NTRK3: variants seen among roughly 807,000 people sequenced by gnomAD.
NTRK3 encodes NT-3 growth factor receptor.
A neutral mutation model predicts 91.7 loss-of-function variants in NTRK3; 24 were observed. That is an observed-to-expected ratio of 0.26 (90% CI 0.19 to 0.37). The LOEUF (loss-of-function observed/expected upper bound fraction) is 0.37. Among genes scored for constraint, NTRK3 ranks in the 10% least tolerant of loss-of-function variants. The probability of loss-of-function intolerance (pLI) is 1.00; values close to 1 mark genes in which losing one functional copy is unlikely to be tolerated. For synonymous variants in NTRK3, 483 were observed against 404.0 expected (o/e 1.20, Z -2.34); for missense variants, 880 against 1,068.9 (o/e 0.82, Z 2.46).
At chr15:87,881,237 T>G (rs1269498416) in intron 17 of NTRK3, among the ~76,000 whole-genome samples, 1 of 152,214 alleles carries the variant, frequency 6.6e-6, no homozygotes, top group Non-Finnish European at 1.5e-5. Context: ...ATTCACAGCA[T>G]GTGTGAAAAC....
At chr15:87,903,638 C>T (rs1422571362) in intron 17 of NTRK3, among the ~76,000 whole-genome samples, 2 of 152,188 alleles carry the variant, frequency 1.3e-5, no homozygotes, top group African/African-American at 2.4e-5. Context: ...CAGTTAAGAA[C>T]TCAGAGGACT....
At chr15:88,101,372 T>C (rs1476595368) in intron 13 of NTRK3, among the ~76,000 whole-genome samples, 1 of 152,162 alleles carries the variant, frequency 6.6e-6, no homozygotes, top group Non-Finnish European at 1.5e-5. Context: ...AAACAACAGG[T>C]GCTGGAAAGG....
chr15:88,039,470 C>A (rs1390599970), intron 13 of NTRK3, among the ~76,000 whole-genome samples: 2 of 152,110 alleles, frequency 1.3e-5, no homozygotes, highest in Non-Finnish European at 1.5e-5. Context: ...TGGAGAAACT[C>A]GATGGCCCTG....
intron 3 of NTRK3, among the ~76,000 whole-genome samples, chr15:88,190,143 C>T (rs1182645909): frequency 6.6e-6 from 1 of 152,120 alleles, no homozygotes; most frequent in African/African-American, 2.4e-5. Context: ...CCCAGTATTG[C>T]CTCATTTTTC....
At chr15:87,867,953 C>T (rs1291066676) in exon 19 of NTRK3, 2 of 228,822 alleles carry the variant, frequency 8.7e-6, no homozygotes, top group East Asian at 1.2e-4. Context: ...TGTAGTCTCC[C>T]TTGAAAAAGC....
At chr15:88,077,879 C>T (rs2047690062) in intron 13 of NTRK3, among the ~76,000 whole-genome samples, 1 of 152,194 alleles carries the variant, frequency 6.6e-6, no homozygotes, top group African/African-American at 2.4e-5. Flanking sequence ...GCACCAATAA[C>T]CACACAACAC....
At chr15:87,875,960 G>C (rs2064935326) in exon 19 of NTRK3, 1 of 232,092 alleles carries the variant, frequency 4.3e-6, no homozygotes, top group African/African-American at 2.2e-5. Context: ...GATAACATGG[G>C]GACCTGTTTC....
At chr15:88,071,470 A>G (rs528467621) in intron 13 of NTRK3, among the ~76,000 whole-genome samples, 2 of 152,374 alleles carry the variant, frequency 1.3e-5, no homozygotes, top group South Asian at 4.1e-4. Flanking sequence ...GCACAAGCTA[A>G]TGCATCCAAG....
rs67163869 is a variant in NTRK3, at chr15:88,016,956, TAAAA to T, written c.1585+15897_1585+15900del. On this transcript the variant is annotated intron_variant, in intron 14 of 18. Transcript: ENST00000394480. Reference sequence around the variant, plus strand: ...AGGTTAAAATGGAAGAGACGAAGCTTAAAAAAAAAAAAAAAAAAAAAAAAGCCCC... The same window carrying T: ...AGGTTAAAATGGAAGAGACGAAGCTTAAAAAAAAAAAAAAAAAAAAGCCCC... Among the ~76,000 whole-genome samples, 29 of 84,322 alleles carry T rather than the reference TAAAA, an allele frequency of 3.4e-4. No individual in the cohort carries two copies. The East Asian group carries it at 8.3e-3, about 24-fold the overall frequency. The allele number at this position is 84,322 out of a possible 152,430, so 55.3% of individuals were successfully genotyped here. A position where few individuals can be genotyped will look rare whatever the true frequency, so the allele number is the denominator to read the frequency against.
rs548901055 is a variant in NTRK3, at chr15:87,914,907, G to C, written c.2133+14284C>G. Among the ~76,000 whole-genome samples, 3 of 152,340 alleles carry C rather than the reference G, an allele frequency of 2.0e-5. No homozygotes were observed. The South Asian group carries it at 6.2e-4, about 32-fold the overall frequency. ...ACCAGTCAACTTTGGAACATTGATG[G>C]ATTCAATTTATTTTTCCAGGGTGTA... is the stretch of plus-strand genomic sequence containing the variant. On this transcript the variant is annotated intron_variant, in intron 17 of 18. Coordinates refer to ENST00000394480, the Ensembl canonical transcript of NTRK3.
chr15:87,949,411 G>A (rs183608822), intron 14 of NTRK3, among the ~76,000 whole-genome samples: 3 of 152,132 alleles, frequency 2.0e-5, no homozygotes, highest in East Asian at 3.9e-4. Context: ...TCTGGGGCAC[G>A]TGTGCACCCT....
chr15:88,129,810 T>C (rs923516479), intron 10 of NTRK3, among the ~76,000 whole-genome samples: 7 of 152,128 alleles, frequency 4.6e-5, no homozygotes, highest in African/African-American at 1.7e-4. Context: ...TGGATTAGGA[T>C]TATGTAGTCC....
chr15:87,886,603 C>T (rs905661153), intron 17 of NTRK3, among the ~76,000 whole-genome samples: 11 of 147,782 alleles, frequency 7.4e-5, no homozygotes, highest in Admixed American at 2.7e-4. Context: ...GAAAAATGTT[C>T]GGAAAACCAA....
intron 3 of NTRK3, among the ~76,000 whole-genome samples, chr15:88,184,599 C>A (rs1363842211): frequency 6.6e-6 from 1 of 152,262 alleles, no homozygotes; most frequent in Non-Finnish European, 1.5e-5. Flanking sequence ...GAAGTTCAAT[C>A]TCCCTGCTTG....
intron 13 of NTRK3, among the ~76,000 whole-genome samples, chr15:88,039,056 T>G (rs139395157): frequency 6.6e-6 from 1 of 151,864 alleles, no homozygotes; most frequent in Non-Finnish European, 1.5e-5. Context: ...TCTATTTTCT[T>G]GAAGCTGCTG....
At chr15:88,009,443 C>T (rs1267497663) in intron 14 of NTRK3, among the ~76,000 whole-genome samples, 1 of 152,192 alleles carries the variant, frequency 6.6e-6, no homozygotes, top group East Asian at 1.9e-4. Context: ...ACTGCTTCTA[C>T]GTTCCACCTA....
intron 14 of NTRK3, among the ~76,000 whole-genome samples, chr15:87,989,664 G>A (rs1276968710): frequency 2.0e-5 from 3 of 150,406 alleles, no homozygotes; most frequent in Non-Finnish European, 4.4e-5. Flanking sequence ...AAAAGTCCAA[G>A]AAAATAAATC....
intron 14 of NTRK3, among the ~76,000 whole-genome samples, chr15:88,010,911 T>A (rs1040825123): frequency 2.6e-5 from 4 of 152,186 alleles, no homozygotes; most frequent in Non-Finnish European, 5.9e-5. Flanking sequence ...CTGGCTTGCA[T>A]TCTAATTCAC....
chr15:88,228,718 C>T (rs886527825), intron 3 of NTRK3, among the ~76,000 whole-genome samples: 4 of 152,212 alleles, frequency 2.6e-5, no homozygotes, highest in Non-Finnish European at 5.9e-5. Flanking sequence ...CACAAAGCCT[C>T]ACACGCAGTA....
Sources: allele counts gnomAD v4.1 joint callset (sites outside exome capture counted in the v4.1 genomes callset), GRCh38; gene constraint gnomAD v4.1.1; transcripts MANE v1.5; gene names NCBI Gene and HGNC (gene_info 2026-07-23, HGNC 2026-07-21).